ROR1: variants seen among roughly 807,000 people sequenced by gnomAD.
ROR1 encodes ROR family WNT receptor 1.
A neutral mutation model predicts 78.8 loss-of-function variants in ROR1; 19 were observed. That is an observed-to-expected ratio of 0.24 (90% CI 0.17 to 0.35). The LOEUF (loss-of-function observed/expected upper bound fraction) is 0.35. Among genes scored for constraint, ROR1 ranks in the 10% least tolerant of loss-of-function variants. The pLI is 1.00. For missense variants in ROR1, 917 were observed against 1,177.8 expected, an observed-to-expected ratio of 0.78 and a Z score of 3.24; for synonymous variants, 386 against 433.6, an observed-to-expected ratio of 0.89 and a Z score of 1.36.
chr1:64,140,808 G>C (rs1649288379), intron 6 of ROR1, among the ~76,000 whole-genome samples: 1 of 152,206 alleles, frequency 6.6e-6, no homozygotes, highest in Admixed American at 6.5e-5. Context: ...AATGCCATCA[G>C]TAGAGGAGCG....
intron 8 of ROR1, among the ~76,000 whole-genome samples, chr1:64,162,991 G>T (rs1329879393): frequency 6.6e-6 from 1 of 152,054 alleles, no homozygotes; most frequent in African/African-American, 2.4e-5. Context: ...GAGCAGGGAG[G>T]GGGCAGAGTC....
intron 1 of ROR1, among the ~76,000 whole-genome samples, chr1:63,949,798 T>C (rs1488440148): frequency 6.6e-6 from 1 of 152,176 alleles, no homozygotes; most frequent in East Asian, 1.9e-4. Context: ...TCAGTAGTTT[T>C]TCCTTCTTGA....
chr1:63,968,009 T>C (rs1026020530), intron 1 of ROR1, among the ~76,000 whole-genome samples: 6 of 152,182 alleles, frequency 3.9e-5, no homozygotes, highest in African/African-American at 1.4e-4. Context: ...TTTTGTTTCC[T>C]TTAAGGCCTA....
chr1:63,800,356 G>A (rs1644788168), intron 1 of ROR1, among the ~76,000 whole-genome samples: 1 of 152,094 alleles, frequency 6.6e-6, no homozygotes, highest in Non-Finnish European at 1.5e-5. Flanking sequence ...TTTAATTTGA[G>A]ATTAAAAGCC....
chr1:63,850,419 G>T (rs973261872), intron 1 of ROR1, among the ~76,000 whole-genome samples: 8 of 152,218 alleles, frequency 5.3e-5, no homozygotes, highest in Non-Finnish European at 1.5e-5. Context: ...CATGTCTTCG[G>T]CTTCCCTAGG....
intron 1 of ROR1, among the ~76,000 whole-genome samples, chr1:63,799,030 C>T (rs952961176): frequency 1.1e-4 from 16 of 152,078 alleles, no homozygotes; most frequent in African/African-American, 3.9e-4. Context: ...ACTTCCCCAG[C>T]ATCATCATTT....
At chr1:63,952,053 A>G (rs565161537) in intron 1 of ROR1, among the ~76,000 whole-genome samples, 291 of 152,356 alleles carry the variant, frequency 1.9e-3, no homozygotes, top group Non-Finnish European at 3.4e-3. Context: ...ACAAATACCT[A>G]TATAATGTCC....
At chr1:63,806,953 A>G (rs1644833715) in intron 1 of ROR1, among the ~76,000 whole-genome samples, 1 of 152,210 alleles carries the variant, frequency 6.6e-6, no homozygotes, top group South Asian at 2.1e-4. Context: ...TTTTTCAGGC[A>G]TGGTACTGGG....
At chr1:63,986,992 CTAA>C (rs1274468312) in intron 1 of ROR1, among the ~76,000 whole-genome samples, 1 of 152,088 alleles carries the variant, frequency 6.6e-6, no homozygotes, top group Non-Finnish European at 1.5e-5. Context: ...CCCACAACAT[CTAA>C]TAAATGACAT....
intron 1 of ROR1, among the ~76,000 whole-genome samples, chr1:63,818,334 C>T (rs1041091939): frequency 1.2e-4 from 19 of 152,162 alleles, no homozygotes; most frequent in African/African-American, 3.4e-4. Context: ...AGTGTTGGCT[C>T]TTTGGTAGAA....
intron 1 of ROR1, among the ~76,000 whole-genome samples, chr1:63,969,460 A>G (rs1201448651): frequency 1.3e-5 from 2 of 152,060 alleles, no homozygotes; most frequent in African/African-American, 2.4e-5. Flanking sequence ...CTCCTGAGCT[A>G]TGGACTCATA....
In ROR1 at chr1:63,835,562, C is replaced by A. The variant is rs550627589; in HGVS notation, c.91+61054C>A. Reference sequence around the variant, plus strand: ...CCTACTGTGTGCAAAATTTATGTGCCTTTGGGGAGGATACTGAGATGATTC... The same window carrying A: ...CCTACTGTGTGCAAAATTTATGTGCATTTGGGGAGGATACTGAGATGATTC... On this transcript the variant is annotated intron_variant, in intron 1 of 8. Coordinates refer to ENST00000371079, the MANE Select transcript of ROR1 (RefSeq NM_005012.4). Among the ~76,000 whole-genome samples the A allele has an allele frequency of 1.4e-3, 212 of 152,222 alleles. 1 individual carries two copies. The Middle Eastern group carries it at 0.024, about 17-fold the overall frequency.
chr1:63,797,668 T>G (rs189098036), intron 1 of ROR1, among the ~76,000 whole-genome samples: 1 of 152,322 alleles, frequency 6.6e-6, no homozygotes, highest in East Asian at 1.9e-4. Context: ...GAACACGGTT[T>G]TGAATATTGT....
At chr1:63,997,320 AAAT>A (rs1646345283) in intron 1 of ROR1, among the ~76,000 whole-genome samples, 1 of 152,204 alleles carries the variant, frequency 6.6e-6, no homozygotes. Context: ...TTTTGCAGGA[AAAT>A]AATTTTCTAT....
chr1:63,883,474 A>G (rs888270522), intron 1 of ROR1, among the ~76,000 whole-genome samples: 2 of 152,112 alleles, frequency 1.3e-5, no homozygotes, highest in African/African-American at 2.4e-5. Context: ...AAGACACCCC[A>G]TAAAATATTT....
chr1:63,908,845 G>A (rs1249477821), intron 1 of ROR1, among the ~76,000 whole-genome samples: 8 of 152,188 alleles, frequency 5.3e-5, no homozygotes, highest in African/African-American at 1.9e-4. Flanking sequence ...TACCATGAAA[G>A]CCCTGACTTC....
intron 4 of ROR1, among the ~76,000 whole-genome samples, chr1:64,060,685 G>A (rs1646910028): frequency 6.6e-6 from 1 of 152,156 alleles, no homozygotes; most frequent in Non-Finnish European, 1.5e-5. Flanking sequence ...AGCACACAGA[G>A]GGCCATTGCT....
intron 4 of ROR1, chr1:64,105,599 TAA>T (rs1162878644): frequency 6.6e-6 from 1 of 152,252 alleles, no homozygotes; most frequent in East Asian, 1.9e-4. Context: ...GCTTTACATT[TAA>T]GTCTTTAATC....
chr1:63,832,306 G>A (rs923174290), intron 1 of ROR1, among the ~76,000 whole-genome samples: 4 of 152,098 alleles, frequency 2.6e-5, no homozygotes, highest in Non-Finnish European at 5.9e-5. Flanking sequence ...CTTCTATCAG[G>A]ACCAATTTTC....
Sources: allele counts gnomAD v4.1 joint callset (sites outside exome capture counted in the v4.1 genomes callset), GRCh38; gene constraint gnomAD v4.1.1; transcripts MANE v1.5; gene names NCBI Gene and HGNC (gene_info 2026-07-23, HGNC 2026-07-21).